Variants in SLC24A2 observed in about 807,000 individuals in gnomAD.
SLC24A2 encodes sodium/potassium/calcium exchanger 2.
Under a neutral mutation model 62.0 loss-of-function variants are expected in SLC24A2, and 36 were observed. The observed-to-expected ratio is 0.58, with a 90% CI of 0.44 to 0.77. The LOEUF is 0.77. Ranked by LOEUF, SLC24A2 falls within the 30% of genes least tolerant of loss-of-function variation. The pLI is 0.00. For synonymous variants in SLC24A2, 358 were observed against 294.0 expected, an observed-to-expected ratio of 1.22 and a Z score of -2.23; for missense variants, 846 against 817.9, an observed-to-expected ratio of 1.03 and a Z score of -0.42.
At position 19,516,096 on chromosome 9, in the gene SLC24A2, G is replaced by T; in HGVS notation, c.*57C>A. The T allele has an allele frequency of 1.2e-6, 2 of 1,610,184 alleles. No homozygotes were observed. Among genetic ancestry groups the T allele is most frequent in the Non-Finnish European group, 1.7e-6 (2 of 1,177,040 alleles). ...TCTTCTCAAGAGGTCAAGGAGCCCAGAGCCCAGAGTGTGGAGGGACCATTC... is the reference window on the plus strand; with the variant it reads ...TCTTCTCAAGAGGTCAAGGAGCCCATAGCCCAGAGTGTGGAGGGACCATTC... On this transcript the variant is annotated 3_prime_UTR_variant, in exon 11 of 11. Coordinates refer to ENST00000341998, the MANE Select transcript of SLC24A2 (RefSeq NM_020344.4).
the SLC24A2 span, among the ~76,000 whole-genome samples, chr9:20,114,979 A>C: frequency 1.8e-4 from 28 of 152,296 alleles, no homozygotes; most frequent in African/African-American, 6.7e-4. Flanking sequence ...TGAAACTCAA[A>C]GAAAGGCCAG....
chr9:20,012,369 A>T, the SLC24A2 span, among the ~76,000 whole-genome samples: 1 of 152,314 alleles, frequency 6.6e-6, no homozygotes, highest in Admixed American at 6.5e-5. Flanking sequence ...CTTATTCACC[A>T]TCATGAGAAC....
intron 4 of SLC24A2, among the ~76,000 whole-genome samples, chr9:19,603,910 C>A (rs1371642835): frequency 6.6e-6 from 1 of 152,220 alleles, no homozygotes; most frequent in Non-Finnish European, 1.5e-5. Flanking sequence ...ATGCCCCCAT[C>A]CCTAACGTTA....
the SLC24A2 span, among the ~76,000 whole-genome samples, chr9:20,287,788 C>T: frequency 6.6e-6 from 1 of 152,158 alleles, no homozygotes; most frequent in East Asian, 1.9e-4. Flanking sequence ...GTGCCAAAAC[C>T]ACCTCTCCAT....
chr9:19,787,091 A>G (rs1000588828), intron 1 of SLC24A2, 72 bp from the exon 2 acceptor site: 33 of 829,882 alleles, frequency 4.0e-5, no homozygotes, highest in Non-Finnish European at 4.5e-5. Context: ...CTTTGCAGAT[A>G]TGATAAAGTC....
the SLC24A2 span, among the ~76,000 whole-genome samples, chr9:19,904,014 C>T: frequency 1.3e-5 from 2 of 152,170 alleles, no homozygotes; most frequent in Non-Finnish European, 2.9e-5. Flanking sequence ...TACATCACCT[C>T]AGCAGGTCTA....
At chr9:20,132,679 A>G in the SLC24A2 span, among the ~76,000 whole-genome samples, 11 of 152,078 alleles carry the variant, frequency 7.2e-5, no homozygotes, top group African/African-American at 2.7e-4. Context: ...TCAATTTTTC[A>G]CACCTGTGCA....
the SLC24A2 span, among the ~76,000 whole-genome samples, chr9:20,096,101 G>A: frequency 1.5e-4 from 21 of 137,702 alleles, no homozygotes; most frequent in East Asian, 3.9e-4. Flanking sequence ...CCGTCCGTCC[G>A]TCCGTCCGTC....
the SLC24A2 span, among the ~76,000 whole-genome samples, chr9:19,990,935 ATG>A: frequency 5.0e-4 from 25 of 49,812 alleles, 1 homozygote; most frequent in African/African-American, 1.3e-3. Flanking sequence ...ATATATATAT[ATG>A]TATGTATATG....
the SLC24A2 span, among the ~76,000 whole-genome samples, chr9:20,034,037 T>C: frequency 6.6e-6 from 1 of 152,162 alleles, no homozygotes; most frequent in African/African-American, 2.4e-5. Flanking sequence ...CAAACTGGAC[T>C]GTAACAGTGA....
intron 8 of SLC24A2, among the ~76,000 whole-genome samples, chr9:19,533,681 A>G (rs371316785): frequency 1.3e-5 from 2 of 152,190 alleles, no homozygotes; most frequent in South Asian, 4.1e-4. Flanking sequence ...ACTGAGCACC[A>G]CTAAGACCAG....
chr9:20,237,152 A>C, the SLC24A2 span, among the ~76,000 whole-genome samples: 5 of 152,206 alleles, frequency 3.3e-5, no homozygotes, highest in Non-Finnish European at 7.3e-5. Flanking sequence ...TGAAACTGTG[A>C]AATTTGCAAA....
intron 2 of SLC24A2, among the ~76,000 whole-genome samples, chr9:19,638,917 G>C (rs1282571599): frequency 6.6e-6 from 1 of 151,996 alleles, no homozygotes; most frequent in Non-Finnish European, 1.5e-5. Flanking sequence ...CAGGTAGCCA[G>C]GTCAGAATTT....
intron 2 of SLC24A2, among the ~76,000 whole-genome samples, chr9:19,675,618 G>A (rs1464714109): frequency 1.3e-5 from 2 of 152,070 alleles, no homozygotes; most frequent in Admixed American, 6.5e-5. Context: ...GTGTCATGAA[G>A]GTCGCCAGGG....
chr9:19,783,991 A>G (rs896787891), intron 2 of SLC24A2, among the ~76,000 whole-genome samples: 1 of 152,242 alleles, frequency 6.6e-6, no homozygotes, highest in African/African-American at 2.4e-5. Flanking sequence ...TTCTTTTTCA[A>G]TCAAGTAAAT....
At chr9:20,250,576 T>C in the SLC24A2 span, among the ~76,000 whole-genome samples, 7 of 152,174 alleles carry the variant, frequency 4.6e-5, no homozygotes, top group Admixed American at 3.3e-4. Context: ...TGGTTATGGA[T>C]ATAAATAAAA....
chr9:20,288,106 T>C, the SLC24A2 span, among the ~76,000 whole-genome samples: 1 of 151,950 alleles, frequency 6.6e-6, no homozygotes, highest in Non-Finnish European at 1.5e-5. Context: ...AGTTTGAAAA[T>C]ACAGAGAGAA....
chr9:19,947,520 G>A, the SLC24A2 span, among the ~76,000 whole-genome samples: 1 of 151,996 alleles, frequency 6.6e-6, no homozygotes, highest in Non-Finnish European at 1.5e-5. Flanking sequence ...GCCGGGTGTG[G>A]TGGCTCACAC....
At chr9:20,026,697 T>C in the SLC24A2 span, among the ~76,000 whole-genome samples, 1 of 152,092 alleles carries the variant, frequency 6.6e-6, no homozygotes, top group African/African-American at 2.4e-5. Flanking sequence ...AAGACTTAAA[T>C]GTAAGATCTG....
Sources: gnomAD v4.1 joint callset for allele counts (sites outside exome capture counted in the v4.1 genomes callset) on GRCh38, gnomAD v4.1.1 for gene constraint, MANE v1.5 for transcripts, NCBI Gene and HGNC (gene_info 2026-07-23, HGNC 2026-07-21) for gene names.